The following VAV3 variants were observed in gnomAD, a reference collection of about 807,000 sequenced individuals.
VAV3 encodes the protein vav guanine nucleotide exchange factor 3, also known as guanine nucleotide exchange factor VAV3.
VAV3 carries 94 observed loss-of-function variants against 131.2 expected under a neutral mutation model. The ratio of observed to expected loss-of-function variants is 0.72; its 90% CI spans 0.61 to 0.85. The LOEUF is 0.85. VAV3 is among the 40% of genes least tolerant of loss of function. The pLI, the probability that VAV3 is intolerant of heterozygous loss-of-function variation, is 0.00. For synonymous variants in VAV3, 349 were observed against 342.0 expected (o/e 1.02, Z -0.22); for missense variants, 939 against 1,002.7 (o/e 0.94, Z 0.86).
intron 4 of VAV3, 144 bp from the exon 5 acceptor site, chr1:107,772,987 A>G (rs1424785748): frequency 4.4e-6 from 3 of 683,186 alleles, no homozygotes; most frequent in South Asian, 2.1e-5. Flanking sequence ...TTACATTACA[A>G]CTTTGTCCCT....
intron 9 of VAV3, among the ~76,000 whole-genome samples, chr1:107,761,763 T>C (rs918810942): frequency 3.3e-5 from 5 of 152,212 alleles, no homozygotes; most frequent in African/African-American, 1.2e-4. Flanking sequence ...TCTACTCCAA[T>C]ATGATTTGTG....
At chr1:107,821,995 C>T (rs1398007876) in intron 2 of VAV3, among the ~76,000 whole-genome samples, 2 of 152,016 alleles carry the variant, frequency 1.3e-5, no homozygotes, top group African/African-American at 2.4e-5. Flanking sequence ...GGGAGGAAGC[C>T]GGGGATTGGG....
At chr1:107,839,546 A>G (rs1668605883) in intron 2 of VAV3, among the ~76,000 whole-genome samples, 1 of 152,156 alleles carries the variant, frequency 6.6e-6, no homozygotes, top group Non-Finnish European at 1.5e-5. Context: ...AGAAAAATTT[A>G]TAGCATTAAA....
intron 1 of VAV3, among the ~76,000 whole-genome samples, chr1:107,900,155 T>C (rs996967227): frequency 1.3e-5 from 2 of 152,150 alleles, no homozygotes; most frequent in African/African-American, 4.8e-5. Context: ...TTTGAAACAG[T>C]TACACATGGA....
At chr1:107,729,274 C>T (rs529491664) in intron 15 of VAV3, among the ~76,000 whole-genome samples, 108 of 152,184 alleles carry the variant, frequency 7.1e-4, no homozygotes, top group African/African-American at 2.6e-3. Flanking sequence ...AATGTACTAT[C>T]AGAGAACAGA....
chr1:107,844,565 C>A (rs1230637106), intron 2 of VAV3, among the ~76,000 whole-genome samples: 1 of 152,180 alleles, frequency 6.6e-6, no homozygotes, highest in Non-Finnish European at 1.5e-5. Flanking sequence ...AGCTAAGATC[C>A]ACTGGCTTGA....
intron 19 of VAV3, among the ~76,000 whole-genome samples, chr1:107,644,944 TGTATACTCGAGTATACAGAGTATACACTA>T (rs1655625705): frequency 3.1e-5 from 2 of 64,566 alleles, no homozygotes; most frequent in Admixed American, 1.9e-4. Context: ...TAGTATACTC[TGTATACTCGAGTATACAGAGTATACACTA>T]GTATACTCTG....
At chr1:107,742,321 AAAGATCACGCATGTGAACAACAGGGAC>A (rs1198137467) in intron 15 of VAV3, among the ~76,000 whole-genome samples, 1 of 152,166 alleles carries the variant, frequency 6.6e-6, no homozygotes, top group Non-Finnish European at 1.5e-5. Context: ...CTGTGCTATG[AAAGATCACGCATGTGAACAACAGGGAC>A]AAGATCCCTG....
intron 1 of VAV3, among the ~76,000 whole-genome samples, chr1:107,926,980 G>A (rs528512634): frequency 1.3e-5 from 2 of 152,100 alleles, no homozygotes; most frequent in East Asian, 3.9e-4. Flanking sequence ...CTAAGGGAGT[G>A]CTTGTACCAC....
rs1263836035 is a variant in VAV3, at chr1:107,571,871, C to A, written c.*1460G>T. The A allele has an allele frequency of 6.6e-6, 1 of 152,602 alleles. No individual in the cohort carries two copies. Among genetic ancestry groups the A allele is most frequent in the African/African-American group, 2.4e-5 (1 of 41,436 alleles). The allele number at this position is 152,602 out of a possible 1,614,324, so 9.5% of individuals were successfully genotyped here. ...GTCCACTGAACCTTGAGTTCTGGCA[C>A]CCAGACGGATTGATGAGAGGGCAGG... On this transcript the variant is annotated 3_prime_UTR_variant, in exon 27 of 27. Coordinates refer to ENST00000370056, the MANE Select transcript of VAV3 (RefSeq NM_006113.5).
chr1:107,955,644 A>T (rs345270), intron 1 of VAV3, among the ~76,000 whole-genome samples: 139,597 of 152,092 alleles, frequency 0.92, 64,407 homozygotes, highest in Middle Eastern at 0.98. Flanking sequence ...AACTGAATCT[A>T]CAAGTAGACA....
chr1:107,638,984 T>A (rs1368245828), intron 20 of VAV3, among the ~76,000 whole-genome samples: 1 of 151,912 alleles, frequency 6.6e-6, no homozygotes, highest in African/African-American at 2.4e-5. Context: ...CACACACATA[T>A]ATAGTACATA....
chr1:107,627,460 A>G (rs1355541056), intron 20 of VAV3, among the ~76,000 whole-genome samples: 2 of 152,218 alleles, frequency 1.3e-5, no homozygotes, highest in Admixed American at 1.3e-4. Context: ...CTATGAGACC[A>G]TATGTGCCAG....
At chr1:107,737,010 T>C (rs977178581) in intron 15 of VAV3, among the ~76,000 whole-genome samples, 1 of 152,120 alleles carries the variant, frequency 6.6e-6, no homozygotes, top group African/African-American at 2.4e-5. Flanking sequence ...AACAGAGATA[T>C]AGACCAATGG....
intron 1 of VAV3, among the ~76,000 whole-genome samples, chr1:107,889,264 T>C (rs1206484698): frequency 6.6e-6 from 1 of 151,938 alleles, no homozygotes; most frequent in Non-Finnish European, 1.5e-5. Flanking sequence ...ATTGGGTAGA[T>C]TTTATTAAAG....
chr1:107,806,430 G>A (rs1667063532), intron 2 of VAV3, among the ~76,000 whole-genome samples: 1 of 149,634 alleles, frequency 6.7e-6, no homozygotes, highest in African/African-American at 2.5e-5. Context: ...TGTTAGTCTT[G>A]CTGCTGTACA....
intron 5 of VAV3, among the ~76,000 whole-genome samples, chr1:107,771,855 C>T (rs1158650596): frequency 6.6e-6 from 1 of 152,196 alleles, no homozygotes; most frequent in Non-Finnish European, 1.5e-5. Flanking sequence ...TAAAAATGTT[C>T]TGAAAATGCT....
chr1:107,834,332 C>A (rs1668380837), intron 2 of VAV3, among the ~76,000 whole-genome samples: 1 of 152,112 alleles, frequency 6.6e-6, no homozygotes, highest in Non-Finnish European at 1.5e-5. Flanking sequence ...TAGCCCCCTT[C>A]AGGATTAGCT....
At chr1:107,716,597 G>A (rs183086333) in intron 15 of VAV3, among the ~76,000 whole-genome samples, 24 of 152,332 alleles carry the variant, frequency 1.6e-4, no homozygotes, top group African/African-American at 5.5e-4. Context: ...CTTGATCATG[G>A]TGGATAAGCT....
Sources: allele counts gnomAD v4.1 joint callset (sites outside exome capture counted in the v4.1 genomes callset), GRCh38; gene constraint gnomAD v4.1.1; transcripts MANE v1.5; gene names NCBI Gene and HGNC (gene_info 2026-07-23, HGNC 2026-07-21).